Variants in RHBDD1 observed in about 807,000 individuals in gnomAD.
RHBDD1 encodes rhomboid-related protein 4.
A neutral mutation model predicts 36.3 loss-of-function variants in RHBDD1; 38 were observed. The observed-to-expected ratio is 1.05, with a 90% CI of 0.81 to 1.37. RHBDD1 has a LOEUF of 1.37. RHBDD1 is among the 40% of genes most tolerant of loss of function. RHBDD1 has a pLI of 0.00. For missense variants in RHBDD1, 393 were observed against 377.6 expected (o/e 1.04, Z -0.34); for synonymous variants, 151 against 136.5 (o/e 1.11, Z -0.74).
At chr2:226,919,048 C>T (rs1348396179) in intron 8 of RHBDD1, among the ~76,000 whole-genome samples, 1 of 151,986 alleles carries the variant, frequency 6.6e-6, no homozygotes, top group East Asian at 1.9e-4. Flanking sequence ...TTTTGATTTG[C>T]CATTTCTCTG....
Position 226,889,827 on chromosome 2 carries a change from C to T in RHBDD1, c.567-16966C>T, listed in dbSNP as rs182917760. Among the ~76,000 whole-genome samples, 155 of 152,292 alleles carry T rather than the reference C, an allele frequency of 1.0e-3. 1 individual carries two copies. Among genetic ancestry groups the T allele is most frequent in the African/African-American group, 3.6e-3 (149 of 41,556 alleles). On this transcript the variant is annotated intron_variant, in intron 5 of 8. Coordinates refer to ENST00000392062, the MANE Select transcript of RHBDD1 (RefSeq NM_001167608.3). ...ATTGAATTCTCCTTCTTTCAGCACA[C>T]TTTTTTGAGTGCCACTCCCTCTTCC...
At chr2:226,888,226 A>G (rs983245946) in intron 5 of RHBDD1, among the ~76,000 whole-genome samples, 1 of 152,212 alleles carries the variant, frequency 6.6e-6, no homozygotes, top group African/African-American at 2.4e-5. Flanking sequence ...TTTTCCCTCA[A>G]AAGTTACAGG....
intron 8 of RHBDD1, among the ~76,000 whole-genome samples, chr2:226,951,117 T>C (rs1446743657): frequency 6.6e-6 from 1 of 152,174 alleles, no homozygotes; most frequent in Admixed American, 6.5e-5. Context: ...TGTTTAAGTC[T>C]TAAATCTATT....
intron 8 of RHBDD1, among the ~76,000 whole-genome samples, chr2:226,941,160 G>A (rs1309877407): frequency 1.3e-5 from 2 of 152,108 alleles, no homozygotes; most frequent in African/African-American, 4.8e-5. Context: ...AGTAGAGATG[G>A]GGTTTCTGTT....
At chr2:226,994,919 A>T (rs1293416366) in intron 8 of RHBDD1, among the ~76,000 whole-genome samples, 1 of 151,898 alleles carries the variant, frequency 6.6e-6, no homozygotes, top group Non-Finnish European at 1.5e-5. Context: ...CAGTATGGTA[A>T]CTCTGCTCCA....
intron 8 of RHBDD1, among the ~76,000 whole-genome samples, chr2:226,962,470 T>C (rs1436348204): frequency 6.6e-6 from 1 of 152,220 alleles, no homozygotes; most frequent in East Asian, 1.9e-4. Context: ...CATTCATAAA[T>C]TTGCTAATTA....
At chr2:226,836,722 G>A (rs1028561357) in intron 1 of RHBDD1, among the ~76,000 whole-genome samples, 5 of 152,238 alleles carry the variant, frequency 3.3e-5, no homozygotes, top group Non-Finnish European at 7.4e-5. Context: ...TTCAATTATC[G>A]AGGTGTTTGG....
the RHBDD1 span, among the ~76,000 whole-genome samples, chr2:226,817,164 A>T: frequency 1.3e-5 from 2 of 152,174 alleles, no homozygotes; most frequent in Non-Finnish European, 2.9e-5. Context: ...TACGCCTAGT[A>T]ATATGTTTAT....
At chr2:226,971,477 T>TTTC (rs1953488480) in intron 8 of RHBDD1, among the ~76,000 whole-genome samples, 2 of 152,218 alleles carry the variant, frequency 1.3e-5, no homozygotes, top group African/African-American at 4.8e-5. Flanking sequence ...CCAAGCCAGT[T>TTTC]TTCTTCTCTG....
chr2:226,839,968 G>C (rs1053067620), intron 3 of RHBDD1, among the ~76,000 whole-genome samples: 9 of 152,106 alleles, frequency 5.9e-5, no homozygotes, highest in African/African-American at 1.9e-4. Flanking sequence ...TTGTATGGAA[G>C]CAACTACTCT....
At chr2:226,875,418 G>A (rs1022534930) in intron 5 of RHBDD1, among the ~76,000 whole-genome samples, 2 of 152,242 alleles carry the variant, frequency 1.3e-5, no homozygotes, top group South Asian at 4.2e-4. Context: ...AAAAGAGAAT[G>A]TTTATTCCCT....
chr2:226,908,724 G>T, intron 6 of RHBDD1, 98 bp from the exon 7 acceptor site: 1 of 813,442 alleles, frequency 1.2e-6, no homozygotes, highest in South Asian at 1.4e-5. Flanking sequence ...CATTTGAAAT[G>T]ACCTTGGGCT....
At chr2:226,866,102 G>A (rs1032786252) in intron 4 of RHBDD1, among the ~76,000 whole-genome samples, 9 of 13,456 alleles carry the variant, frequency 6.7e-4, no homozygotes, top group African/African-American at 2.8e-3. Flanking sequence ...ACGGAGTCTC[G>A]CTCTGGCACC....
rs1944203806 is a variant in RHBDD1 at position 226,864,958 on chromosome 2, C to A, written c.265C>A (p.Leu89Ile). 1 of 1,614,228 alleles carries A rather than the reference C, an allele frequency of 6.2e-7. No homozygotes were observed. The highest frequency in any genetic ancestry group is 1.1e-5 in the South Asian group (1 of 91,086). The change falls in exon 4 of 9, where the codon CTC becomes ATC. Residue 89 changes from leucine to isoleucine, a missense_variant. Leu to Ile is a conservative substitution (Grantham distance 5). Transcript: ENST00000392062. Reference protein sequence around the residue: ...WHLYFNMASMLWKGINLERRL... With the variant: ...WHLYFNMASMIWKGINLERRL... ...TTTGTATTTCAATATGGCATCCATG[C>A]TCTGGAAAGGAATAAATCTAGAAAG...
chr2:226,890,261 G>GT (rs1203350695), intron 5 of RHBDD1, among the ~76,000 whole-genome samples: 2 of 152,314 alleles, frequency 1.3e-5, no homozygotes, highest in Admixed American at 6.5e-5. Flanking sequence ...ACAGTGAGAT[G>GT]TTTGAGTTTT....
chr2:226,808,257 T>A, the RHBDD1 span: 1 of 152,148 alleles, frequency 6.6e-6, no homozygotes, highest in East Asian at 1.9e-4. Context: ...GACTCCAAGG[T>A]TTTTTTTACT....
At chr2:226,916,518 C>A (rs538106822) in intron 8 of RHBDD1, among the ~76,000 whole-genome samples, 2 of 152,248 alleles carry the variant, frequency 1.3e-5, no homozygotes, top group East Asian at 3.9e-4. Context: ...CTTCATACAG[C>A]CTATCTCTAT....
chr2:226,926,556 A>G (rs900205540), intron 8 of RHBDD1, among the ~76,000 whole-genome samples: 1 of 152,188 alleles, frequency 6.6e-6, no homozygotes, highest in South Asian at 2.1e-4. Context: ...TGGCACTTAC[A>G]TTTGAGGACT....
At chr2:226,977,391 G>A (rs1349370718) in intron 8 of RHBDD1, among the ~76,000 whole-genome samples, 1 of 152,194 alleles carries the variant, frequency 6.6e-6, no homozygotes, top group Non-Finnish European at 1.5e-5. Flanking sequence ...GAATTCATGA[G>A]AATGTTACGT....
Sources: gnomAD v4.1 joint callset for allele counts (sites outside exome capture counted in the v4.1 genomes callset) on GRCh38, gnomAD v4.1.1 for gene constraint, MANE v1.5 for transcripts, NCBI Gene and HGNC (gene_info 2026-07-23, HGNC 2026-07-21) for gene names.